The following RIMS1 variants were observed in gnomAD, a reference collection of about 807,000 sequenced individuals.
RIMS1 encodes the protein regulating synaptic membrane exocytosis 1, also known as regulating synaptic membrane exocytosis protein 1.
Under a neutral mutation model 214.1 loss-of-function variants are expected in RIMS1, and 83 were observed. The observed-to-expected ratio is 0.39, with a 90% CI of 0.32 to 0.47. The LOEUF is 0.47. Among genes scored for constraint, RIMS1 ranks in the 20% least tolerant of loss-of-function variants. The pLI is 0.99. For missense variants in RIMS1, 2,050 were observed against 2,161.8 expected, an observed-to-expected ratio of 0.95 and a Z score of 1.03; for synonymous variants, 793 against 786.8, an observed-to-expected ratio of 1.01 and a Z score of -0.13.
At chr6:72,276,605 TAAC>T (rs1467854415) in intron 23 of RIMS1, among the ~76,000 whole-genome samples, 2 of 152,076 alleles carry the variant, frequency 1.3e-5, no homozygotes, top group Non-Finnish European at 2.9e-5. Context: ...TTTTTTATGA[TAAC>T]ATATTTATAG....
intron 2 of RIMS1, among the ~76,000 whole-genome samples, chr6:72,009,700 C>A (rs1809552388): frequency 6.6e-6 from 1 of 152,200 alleles, no homozygotes; most frequent in South Asian, 2.1e-4. Context: ...ATAAACACCA[C>A]TACGCAAATA....
chr6:72,180,743 G>A (rs571455651), intron 5 of RIMS1, among the ~76,000 whole-genome samples: 1 of 152,200 alleles, frequency 6.6e-6, no homozygotes, highest in Non-Finnish European at 1.5e-5. Flanking sequence ...CACCTAGACT[G>A]GGCTTATTGT....
intron 1 of RIMS1, among the ~76,000 whole-genome samples, chr6:71,961,027 T>A (rs2151250141): frequency 6.6e-6 from 1 of 152,216 alleles, no homozygotes; most frequent in South Asian, 2.1e-4. Context: ...GAGAGAGCCC[T>A]CTCAGATGTC....
chr6:72,313,762 G>GTTTAGGTCA, intron 28 of RIMS1, 90 bp downstream of exon 28: 6 of 1,320,150 alleles, frequency 4.5e-6, no homozygotes, highest in Non-Finnish European at 6.2e-6. Context: ...CTATAATACA[G>GTTTAGGTCA]TTTAGGTCAC....
At chr6:71,954,885 A>T (rs1004404034) in intron 1 of RIMS1, among the ~76,000 whole-genome samples, 1 of 151,550 alleles carries the variant, frequency 6.6e-6, no homozygotes, top group Admixed American at 6.6e-5. Context: ...ACACACACAC[A>T]CACACACACC....
At chr6:72,063,614 G>A (rs115669630) in intron 2 of RIMS1, among the ~76,000 whole-genome samples, 1,671 of 152,222 alleles carry the variant, frequency 0.011, 28 homozygotes, top group African/African-American at 0.038. Context: ...AATCCGTGTG[G>A]AATAGATCAG....
chr6:72,398,189 G>A, intron 31 of RIMS1, 60 bp from the exon 32 acceptor site: 6 of 1,070,908 alleles, frequency 5.6e-6, no homozygotes, highest in Non-Finnish European at 7.0e-6. Flanking sequence ...TCTCCTTTTT[G>A]TTTTAACTGC....
chr6:72,045,757 T>G (rs1822818095), intron 2 of RIMS1, among the ~76,000 whole-genome samples: 1 of 151,896 alleles, frequency 6.6e-6, no homozygotes, highest in Non-Finnish European at 1.5e-5. Context: ...TAATAGTAAA[T>G]GTAAATATTT....
chr6:72,119,938 A>G (rs2037898831), intron 4 of RIMS1, among the ~76,000 whole-genome samples: 1 of 151,742 alleles, frequency 6.6e-6, no homozygotes, highest in South Asian at 2.1e-4. Context: ...TTTCCTCGGA[A>G]TGATGGTTTC....
At chr6:71,891,211 C>T (rs928569245) in intron 1 of RIMS1, among the ~76,000 whole-genome samples, 12 of 152,198 alleles carry the variant, frequency 7.9e-5, no homozygotes, top group Non-Finnish European at 1.5e-4. Flanking sequence ...AGTTTGTATC[C>T]GAGTGTTTTT....
intron 4 of RIMS1, among the ~76,000 whole-genome samples, chr6:72,151,299 C>T (rs1254899999): frequency 6.6e-6 from 1 of 152,192 alleles, no homozygotes; most frequent in African/African-American, 2.4e-5. Flanking sequence ...GCCTCTGCCT[C>T]CCAAAGTGCT....
At chr6:72,162,426 C>G (rs1364610274) in intron 4 of RIMS1, among the ~76,000 whole-genome samples, 2 of 140,640 alleles carry the variant, frequency 1.4e-5, no homozygotes, top group African/African-American at 2.5e-5. Flanking sequence ...TTGATCCTGT[C>G]ATTATGATGT....
At chr6:71,986,344 C>T (rs983967075) in intron 2 of RIMS1, among the ~76,000 whole-genome samples, 2 of 151,894 alleles carry the variant, frequency 1.3e-5, no homozygotes, top group African/African-American at 2.4e-5. Flanking sequence ...TTTCTTATTC[C>T]TCGTCTGACT....
chr6:72,217,009 T>C (rs765908887), intron 6 of RIMS1: 68 of 1,418,644 alleles, frequency 4.8e-5, no homozygotes, highest in Non-Finnish European at 5.8e-5. Flanking sequence ...TGTTGTATAA[T>C]GTTGGACACT....
intron 17 of RIMS1, 138 bp downstream of exon 17, chr6:72,258,419 T>A: frequency 1.1e-6 from 1 of 914,890 alleles, no homozygotes; most frequent in Non-Finnish European, 1.6e-6. Context: ...GGCAAAATTT[T>A]TTTTATTCTT....
At chr6:71,976,612 T>C (rs559052806) in intron 2 of RIMS1, among the ~76,000 whole-genome samples, 33 of 152,240 alleles carry the variant, frequency 2.2e-4, no homozygotes, top group Middle Eastern at 3.4e-3. Context: ...CTAATTGATC[T>C]ATTTTTTCTT....
intron 2 of RIMS1, among the ~76,000 whole-genome samples, chr6:72,032,308 ACT>A (rs2152020349): frequency 6.6e-6 from 1 of 152,324 alleles, no homozygotes; most frequent in South Asian, 2.1e-4. Context: ...AGTTAAAAGT[ACT>A]GTCTTCCACA....
At position 72,398,842 on chromosome 6, in the gene RIMS1, T is replaced by G. The variant is rs1223530798; in HGVS notation, c.4721-113T>G. 12 of 632,284 alleles carry G rather than the reference T, an allele frequency of 1.9e-5. No homozygotes were observed. The East Asian group carries it at 3.4e-4, about 18-fold the overall frequency. 39.2% of individuals were successfully genotyped at this position (632,284 alleles called of 1,614,324 possible). On this transcript the variant is annotated intron_variant, in intron 32 of 33. Coordinates refer to ENST00000521978, the MANE Select transcript of RIMS1 (RefSeq NM_014989.7). ...TGGAAATTTTAAGTAATTTAAACAG[T>G]CAATGGGAAACTTTCAGTAAGCATC...
At chr6:72,126,359 T>C (rs1400854633) in intron 4 of RIMS1, among the ~76,000 whole-genome samples, 2 of 152,142 alleles carry the variant, frequency 1.3e-5, no homozygotes, top group African/African-American at 2.4e-5. Flanking sequence ...GACATTAGTT[T>C]GGCAAAAAGT....
Sources: gnomAD v4.1 joint callset for allele counts (sites outside exome capture counted in the v4.1 genomes callset) on GRCh38, gnomAD v4.1.1 for gene constraint, MANE v1.5 for transcripts, NCBI Gene and HGNC (gene_info 2026-07-23, HGNC 2026-07-21) for gene names.